DLGAP1: variants seen among roughly 807,000 people sequenced by gnomAD.
DLGAP1 encodes the protein disks large-associated protein 1.
DLGAP1 carries 11 observed loss-of-function variants against 90.8 expected under a neutral mutation model. That is an observed-to-expected ratio of 0.12 (90% CI 0.08 to 0.20). The LOEUF (loss-of-function observed/expected upper bound fraction) is 0.20, where lower values mean the gene tolerates loss of function less well. DLGAP1 is among the 10% of genes least tolerant of loss of function. The pLI is 1.00. For missense variants in DLGAP1, 1,050 were observed against 1,333.8 expected, an observed-to-expected ratio of 0.79 and a Z score of 3.31; for synonymous variants, 558 against 540.7, an observed-to-expected ratio of 1.03 and a Z score of -0.44.
intron 1 of DLGAP1, among the ~76,000 whole-genome samples, chr18:4,298,290 T>C (rs2080034675): frequency 1.3e-5 from 2 of 152,190 alleles, no homozygotes; most frequent in Non-Finnish European, 2.9e-5. Flanking sequence ...TACACAAATC[T>C]GTGCAGGTCA....
At chr18:3,595,026 T>C (rs1014845316) in intron 7 of DLGAP1, among the ~76,000 whole-genome samples, 4 of 152,126 alleles carry the variant, frequency 2.6e-5, no homozygotes, top group Non-Finnish European at 5.9e-5. Context: ...TTTATCTCTA[T>C]GTGGCGGGAA....
intron 1 of DLGAP1, among the ~76,000 whole-genome samples, chr18:4,322,173 C>T (rs1250230859): frequency 2.0e-5 from 3 of 151,652 alleles, no homozygotes; most frequent in African/African-American, 7.3e-5. Context: ...GCACTCCAGC[C>T]TCGGCAACAG....
intron 1 of DLGAP1, among the ~76,000 whole-genome samples, chr18:4,337,207 T>C (rs1025060841): frequency 6.7e-6 from 1 of 149,180 alleles, no homozygotes; most frequent in Admixed American, 6.6e-5. Flanking sequence ...TTTTTTTTTT[T>C]TTTTGAGATG....
intron 7 of DLGAP1, among the ~76,000 whole-genome samples, chr18:3,654,995 C>T (rs2059431258): frequency 6.7e-6 from 1 of 148,670 alleles, no homozygotes; most frequent in South Asian, 2.1e-4. Context: ...TTGGATTTGC[C>T]AGTCCCATGG....
intron 4 of DLGAP1, among the ~76,000 whole-genome samples, chr18:3,843,633 G>A (rs910873452): frequency 6.6e-6 from 1 of 152,154 alleles, no homozygotes; most frequent in Non-Finnish European, 1.5e-5. Flanking sequence ...AGGGGTGAGA[G>A]AGAAAGGAAG....
chr18:3,554,264 G>C (rs1286668369), intron 9 of DLGAP1, among the ~76,000 whole-genome samples: 1 of 152,244 alleles, frequency 6.6e-6, no homozygotes, highest in East Asian at 1.9e-4. Flanking sequence ...CCCTTGGGGA[G>C]ATGTTGCCAA....
intron 3 of DLGAP1, among the ~76,000 whole-genome samples, chr18:3,914,511 G>A (rs1407161887): frequency 1.3e-5 from 2 of 152,200 alleles, no homozygotes; most frequent in Non-Finnish European, 2.9e-5. Flanking sequence ...AACACGGGGT[G>A]CAGCTCTCCC....
At chr18:3,732,051 C>T (rs2147498295) in intron 6 of DLGAP1, among the ~76,000 whole-genome samples, 1 of 152,224 alleles carries the variant, frequency 6.6e-6, no homozygotes, top group East Asian at 1.9e-4. Flanking sequence ...AAATCTGATA[C>T]ACTTTAAAAT....
chr18:3,932,603 G>A (rs1218096344), intron 3 of DLGAP1, among the ~76,000 whole-genome samples: 1 of 152,090 alleles, frequency 6.6e-6, no homozygotes, highest in Non-Finnish European at 1.5e-5. Flanking sequence ...ATGTGACAAG[G>A]GCAGCAAGGA....
intron 12 of DLGAP1, among the ~76,000 whole-genome samples, chr18:3,501,382 A>T (rs1478164796): frequency 6.6e-6 from 1 of 152,234 alleles, no homozygotes; most frequent in Admixed American, 6.5e-5. Flanking sequence ...GATTGGGTAC[A>T]AATGTTTGGC....
chr18:3,834,918 C>G (rs987794924), intron 4 of DLGAP1, among the ~76,000 whole-genome samples: 1 of 152,156 alleles, frequency 6.6e-6, no homozygotes, highest in Non-Finnish European at 1.5e-5. Context: ...CCATTATGTA[C>G]ACGATAACCT....
chr18:4,413,547 C>T (rs967719339), intron 1 of DLGAP1, among the ~76,000 whole-genome samples: 1 of 152,186 alleles, frequency 6.6e-6, no homozygotes, highest in Non-Finnish European at 1.5e-5. Flanking sequence ...ACGAGGGCTC[C>T]CCAGTCAACT....
chr18:3,920,287 G>A (rs2072238400), intron 3 of DLGAP1, among the ~76,000 whole-genome samples: 1 of 149,044 alleles, frequency 6.7e-6, no homozygotes, highest in South Asian at 2.1e-4. Flanking sequence ...AGGTTGCAGT[G>A]AGCCGGGGGT....
chr18:3,536,335 T>C (rs2052378406), intron 9 of DLGAP1, among the ~76,000 whole-genome samples: 1 of 151,252 alleles, frequency 6.6e-6, no homozygotes, highest in Non-Finnish European at 1.5e-5. Flanking sequence ...GCAATTCTCC[T>C]GCCTCAGCCT....
intron 7 of DLGAP1, chr18:3,598,010 T>TACC (rs1311903008): frequency 1.3e-5 from 2 of 152,276 alleles, no homozygotes; most frequent in African/African-American, 4.8e-5. Flanking sequence ...CCAGAAAGGA[T>TACC]ACCAGCTCCT....
intron 2 of DLGAP1, among the ~76,000 whole-genome samples, chr18:4,078,432 G>A (rs1423526889): frequency 1.3e-5 from 2 of 152,112 alleles, no homozygotes; most frequent in Non-Finnish European, 2.9e-5. Flanking sequence ...GAGAATCTCC[G>A]GCGAGGGACC....
chr18:3,588,660 T>G (rs766606320), intron 7 of DLGAP1, among the ~76,000 whole-genome samples: 18 of 138,552 alleles, frequency 1.3e-4, no homozygotes, highest in Non-Finnish European at 2.5e-4. Context: ...TGTGCCTGTA[T>G]TCCCAGCTAC....
At chr18:3,563,276 G>A (rs1235472356) in intron 9 of DLGAP1, among the ~76,000 whole-genome samples, 1 of 151,988 alleles carries the variant, frequency 6.6e-6, no homozygotes, top group East Asian at 1.9e-4. Context: ...CATTTATCTT[G>A]TTTGGTATTC....
chr18:4,449,422 A>T (rs550232339), intron 1 of DLGAP1, among the ~76,000 whole-genome samples: 1 of 152,202 alleles, frequency 6.6e-6, no homozygotes, highest in East Asian at 1.9e-4. Context: ...AGGTATTAAC[A>T]GAGTAAACTT....
Sources: allele counts gnomAD v4.1 joint callset (sites outside exome capture counted in the v4.1 genomes callset), GRCh38; gene constraint gnomAD v4.1.1; transcripts MANE v1.5; gene names NCBI Gene and HGNC (gene_info 2026-07-23, HGNC 2026-07-21).